DNAH17: variants seen among roughly 807,000 people sequenced by gnomAD.
DNAH17 encodes the protein dynein axonemal heavy chain 17.
A neutral mutation model predicts 485.6 loss-of-function variants in DNAH17; 376 were observed. The observed-to-expected ratio is 0.77, with a 90% confidence interval of 0.71 to 0.84. The LOEUF (loss-of-function observed/expected upper bound fraction) is 0.84, where lower values mean the gene tolerates loss of function less well. DNAH17 is among the 40% of genes least tolerant of loss of function. The pLI, the probability that DNAH17 is intolerant of heterozygous loss-of-function variation, is 0.00. For missense variants in DNAH17, 6,370 were observed against 5,839.3 expected, an observed-to-expected ratio of 1.09 and a Z score of -2.96; for synonymous variants, 3,031 against 2,405.9, an observed-to-expected ratio of 1.26 and a Z score of -7.60.
At chr17:78,478,802 CCACCATCATCACAT>C (rs1299236303) in intron 51 of DNAH17, 4 of 524,472 alleles carry the variant, frequency 7.6e-6, no homozygotes, top group South Asian at 2.7e-5. Flanking sequence ...ACCATCACTA[CCACCATCATCACAT>C]CACCATCATC....
chr17:78,507,229 G>C, intron 29 of DNAH17, 49 bp downstream of exon 29: 1 of 1,600,614 alleles, frequency 6.2e-7, no homozygotes, highest in Non-Finnish European at 8.5e-7. Flanking sequence ...TTAAGACTTA[G>C]GGAATCTGCA....
At chr17:78,490,318 G>A (rs73387126) in intron 44 of DNAH17, among the ~76,000 whole-genome samples, 2,149 of 152,268 alleles carry the variant, frequency 0.014, 52 homozygotes, top group African/African-American at 0.048. Context: ...CCCTGTGAAC[G>A]CGGGTTCTTG....
chr17:78,425,779 T>C (rs2086426219), intron 79 of DNAH17, among the ~76,000 whole-genome samples: 2 of 67,304 alleles, frequency 3.0e-5, no homozygotes, highest in South Asian at 1.0e-3. Context: ...TTTTTTTTTT[T>C]TTTTGAGATG....
intron 31 of DNAH17, 29 bp from the exon 32 acceptor site, chr17:78,503,040 C>T (rs375659346): frequency 9.4e-6 from 15 of 1,598,644 alleles, no homozygotes; most frequent in East Asian, 2.2e-5. Flanking sequence ...GTGACCAATA[C>T]AGCCATGTGT....
chr17:78,506,965 G>A, intron 29 of DNAH17, 119 bp from the exon 30 acceptor site: 2 of 1,410,980 alleles, frequency 1.4e-6, no homozygotes, highest in Non-Finnish European at 1.9e-6. Context: ...GCTGTTCACA[G>A]GCCTGGTTTA....
At chr17:78,537,837 T>C (rs2091418053) in intron 18 of DNAH17, among the ~76,000 whole-genome samples, 1 of 152,194 alleles carries the variant, frequency 6.6e-6, no homozygotes, top group South Asian at 2.1e-4. Context: ...CTAAATATTT[T>C]ATAGAATGGA....
At chr17:78,556,398 G>A (rs974850574) in intron 14 of DNAH17, among the ~76,000 whole-genome samples, 1 of 152,176 alleles carries the variant, frequency 6.6e-6, no homozygotes. Flanking sequence ...CGGATGCCTT[G>A]ACTCCAGCAG....
chr17:78,505,107 G>C (rs1246310394), intron 31 of DNAH17, among the ~76,000 whole-genome samples, 186 bp downstream of exon 31: 4 of 151,916 alleles, frequency 2.6e-5, no homozygotes, highest in African/African-American at 7.3e-5. Context: ...GTAAGGCTGG[G>C]CTGGAAATTC....
At chr17:78,430,885 A>G (rs369672955) in intron 75 of DNAH17, among the ~76,000 whole-genome samples, 4 of 148,320 alleles carry the variant, frequency 2.7e-5, no homozygotes, top group African/African-American at 1.0e-4. Flanking sequence ...CCCAGCCCAT[A>G]TGTATATGTT....
At chr17:78,550,225 G>C (rs1409880557) in intron 16 of DNAH17, among the ~76,000 whole-genome samples, 1 of 150,386 alleles carries the variant, frequency 6.6e-6, no homozygotes, top group African/African-American at 2.5e-5. Flanking sequence ...TTAACACAAG[G>C]AGGCACACGT....
chr17:78,552,805 T>C lies in DNAH17; in HGVS notation c.2179A>G (p.Ile727Val), dbSNP rs139549223. 2.4e-5 allele frequency: 39 copies of C among 1,603,366 alleles called. No homozygotes were observed. Among genetic ancestry groups the C allele is most frequent in the Admixed American group, 2.2e-4 (13 of 59,980 alleles). ...TCTACTGCCTTCACTATAGTCTTTATCTGAAAAACAGAGGTGACAGGTTTT... is the reference window on the plus strand; with the variant it reads ...TCTACTGCCTTCACTATAGTCTTTACCTGAAAAACAGAGGTGACAGGTTTT... The part of the protein sequence containing the change: ...LELIVGWYNE[I>V]KTIVKAVEFL... The change falls in exon 15 of 81, where the codon ATA (isoleucine) becomes GTA (valine). Residue 727 changes from isoleucine to valine, a missense_variant and splice_region_variant. Ile to Val is a conservative substitution (Grantham distance 29). Transcript: ENST00000389840.
intron 9 of DNAH17, 107 bp from the exon 10 acceptor site, chr17:78,567,273 T>C: frequency 8.3e-7 from 1 of 1,209,960 alleles, no homozygotes; most frequent in Non-Finnish European, 1.2e-6. Context: ...GAGCAAAATG[T>C]CCCCAGGAGA....
intron 66 of DNAH17, 129 bp from the exon 67 acceptor site, chr17:78,450,975 G>A: frequency 8.4e-7 from 1 of 1,191,492 alleles, no homozygotes. Flanking sequence ...CTCAGGTCCT[G>A]GAAGGGGCTG....
At chr17:78,576,164 T>C (rs964347704) in intron 1 of DNAH17, among the ~76,000 whole-genome samples, 4 of 152,218 alleles carry the variant, frequency 2.6e-5, no homozygotes, top group African/African-American at 9.6e-5. Context: ...TCACAAATTC[T>C]GCCTTTTGGT....
In DNAH17 at chr17:78,441,342, A is replaced by G; in HGVS notation, c.11529-143T>C. ...GACAAGGCCTGTGGCAGGAGAGCAG[A>G]GTCTTTACCGGGCTTTCCTTTCTGC... On this transcript the variant is annotated intron_variant, in intron 71 of 80. Transcript: ENST00000389840. 9 of 927,452 alleles carry G rather than the reference A, an allele frequency of 9.7e-6. No homozygotes were observed. The South Asian group carries it at 1.6e-4, about 16-fold the overall frequency. 57.5% of individuals were successfully genotyped at this position (927,452 alleles called of 1,614,324 possible). A position where few individuals can be genotyped will look rare whatever the true frequency, so the allele number is the denominator to read the frequency against.
chr17:78,464,345 C>T (rs757092825), intron 56 of DNAH17, among the ~76,000 whole-genome samples: 6 of 152,264 alleles, frequency 3.9e-5, no homozygotes, highest in Admixed American at 6.5e-5. Context: ...CTGAAACTTC[C>T]GCCTCCCGGG....
At chr17:78,475,020 C>A (rs1035843048) in intron 54 of DNAH17, among the ~76,000 whole-genome samples, 4 of 100,158 alleles carry the variant, frequency 4.0e-5, no homozygotes, top group African/African-American at 2.2e-4. Flanking sequence ...TGCACACTGG[C>A]TGGAAGGTTT....
chr17:78,468,255 G>T (rs550604818), intron 55 of DNAH17, among the ~76,000 whole-genome samples: 1 of 152,212 alleles, frequency 6.6e-6, no homozygotes, highest in East Asian at 1.9e-4. Context: ...AAGTAATCTA[G>T]AGATGATTTA....
intron 64 of DNAH17, among the ~76,000 whole-genome samples, chr17:78,453,931 C>G (rs2087670100): frequency 6.6e-6 from 1 of 152,084 alleles, no homozygotes; most frequent in Non-Finnish European, 1.5e-5. Context: ...TGGGCTCAAA[C>G]TCCTGAGCTC....
Sources: gnomAD v4.1 joint callset for allele counts (sites outside exome capture counted in the v4.1 genomes callset) on GRCh38, gnomAD v4.1.1 for gene constraint, MANE v1.5 for transcripts, NCBI Gene and HGNC (gene_info 2026-07-23, HGNC 2026-07-21) for gene names.